RHBDD1: variants seen among roughly 807,000 people sequenced by gnomAD.
RHBDD1 encodes rhomboid-related protein 4.
RHBDD1 carries 38 observed loss-of-function variants against 36.3 expected under a neutral mutation model. The observed-to-expected ratio is 1.05, with a 90% CI of 0.81 to 1.37. The LOEUF is 1.37. RHBDD1 is among the 40% of genes most tolerant of loss of function. The pLI, the probability that RHBDD1 is intolerant of heterozygous loss-of-function variation, is 0.00. For missense variants in RHBDD1, 393 were observed against 377.6 expected (o/e 1.04, Z -0.34); for synonymous variants, 151 against 136.5 (o/e 1.11, Z -0.74).
At chr2:226,813,385 C>CA in the RHBDD1 span, among the ~76,000 whole-genome samples, 3 of 152,174 alleles carry the variant, frequency 2.0e-5, no homozygotes, top group African/African-American at 4.8e-5. Context: ...GTTGGGCTTT[C>CA]ATGTTAGATA....
At chr2:226,980,557 A>G (rs940685399) in intron 8 of RHBDD1, among the ~76,000 whole-genome samples, 2 of 152,200 alleles carry the variant, frequency 1.3e-5, no homozygotes, top group Non-Finnish European at 2.9e-5. Flanking sequence ...CTGGAAATGC[A>G]TGATATTTAT....
chr2:226,995,691 TCA>T lies in RHBDD1; in HGVS notation c.*172_*173del, dbSNP rs1959181823. On this transcript the variant is annotated 3_prime_UTR_variant, in exon 9 of 9. Transcript: ENST00000392062. Reference sequence around the variant, plus strand: ...AGTCCCATGGCCCCTATGAGTCAACTCACAGCTTGCGGGGAGTGGGCCTTCTC... The same window carrying T: ...AGTCCCATGGCCCCTATGAGTCAACTCAGCTTGCGGGGAGTGGGCCTTCTC... 1.6e-6 allele frequency: 1 copy of T among 611,226 alleles called. No individual in the cohort carries two copies. Among genetic ancestry groups the T allele is most frequent in the Non-Finnish European group, 2.9e-6 (1 of 340,316 alleles). The allele number at this position is 611,226 out of a possible 1,614,324, so 37.9% of individuals were successfully genotyped here. A position where few individuals can be genotyped will look rare whatever the true frequency, so the allele number is the denominator to read the frequency against.
At chr2:226,888,937 C>T (rs1946463719) in intron 5 of RHBDD1, among the ~76,000 whole-genome samples, 1 of 152,178 alleles carries the variant, frequency 6.6e-6, no homozygotes, top group African/African-American at 2.4e-5. Context: ...GGAATTGCCA[C>T]AGAGAGGGTT....
intron 8 of RHBDD1, among the ~76,000 whole-genome samples, chr2:226,963,546 C>T (rs1299330452): frequency 6.6e-6 from 1 of 152,150 alleles, no homozygotes; most frequent in African/African-American, 2.4e-5. Context: ...TGTTCTTTGT[C>T]TTCCTTTCCA....
At chr2:226,898,597 T>A (rs1199476146) in intron 5 of RHBDD1, among the ~76,000 whole-genome samples, 1 of 152,222 alleles carries the variant, frequency 6.6e-6, no homozygotes, top group Non-Finnish European at 1.5e-5. Context: ...TCAATCATGC[T>A]GGTATCATGG....
chr2:226,925,577 C>T (rs1161727626), intron 8 of RHBDD1, among the ~76,000 whole-genome samples: 1 of 152,022 alleles, frequency 6.6e-6, no homozygotes, highest in African/African-American at 2.4e-5. Context: ...CGGCCTTTGA[C>T]AAATGTCTTC....
At chr2:226,929,251 A>G (rs1949860113) in intron 8 of RHBDD1, among the ~76,000 whole-genome samples, 1 of 152,104 alleles carries the variant, frequency 6.6e-6, no homozygotes, top group Admixed American at 6.6e-5. Context: ...AAAACTCTCA[A>G]CAAAATGCTA....
intron 7 of RHBDD1, among the ~76,000 whole-genome samples, chr2:226,913,684 A>G (rs1348061832): frequency 1.3e-5 from 2 of 152,104 alleles, no homozygotes; most frequent in African/African-American, 4.8e-5. Context: ...GGGGGGAGCT[A>G]TAATCTCTGA....
At chr2:226,858,059 A>G (rs779188554) in intron 3 of RHBDD1, among the ~76,000 whole-genome samples, 31 of 152,178 alleles carry the variant, frequency 2.0e-4, no homozygotes, top group Non-Finnish European at 3.7e-4. Context: ...TTTTTCACAC[A>G]CAAAAAATTA....
Position 226,864,915 on chromosome 2 carries a change from C to G in RHBDD1, c.222C>G (p.His74Gln). Residue 74 changes from histidine (H) to glutamine (Q), a missense_variant, in exon 4 of 9, where the codon CAC becomes CAG. Transcript: ENST00000392062. Reference protein sequence around the residue: ...DWQRLLLSPLHHADDWHLYFN... With the variant: ...DWQRLLLSPLQHADDWHLYFN... ...AGCGTTTACTGCTCTCTCCCCTTCA[C>G]CATGCTGATGATTGGCATTTGTATT... The G allele has an allele frequency of 1.9e-6, 3 of 1,614,210 alleles. No individual in the cohort carries two copies. Among genetic ancestry groups the G allele is most frequent in the Non-Finnish European group, 2.5e-6 (3 of 1,180,028 alleles).
intron 5 of RHBDD1, among the ~76,000 whole-genome samples, chr2:226,904,179 T>C (rs945398269): frequency 3.9e-5 from 6 of 152,316 alleles, no homozygotes; most frequent in African/African-American, 1.4e-4. Context: ...CTGAGCTGTC[T>C]AACCCTTAAG....
At chr2:226,993,089 G>C (rs1056716553) in intron 8 of RHBDD1, among the ~76,000 whole-genome samples, 1 of 152,334 alleles carries the variant, frequency 6.6e-6, no homozygotes, top group Admixed American at 6.5e-5. Flanking sequence ...TGGGTCCAAG[G>C]CCGTGTGTGC....
intron 8 of RHBDD1, among the ~76,000 whole-genome samples, chr2:226,965,562 TA>T (rs1952559225): frequency 6.6e-6 from 1 of 152,098 alleles, no homozygotes; most frequent in African/African-American, 2.4e-5. Context: ...CATTTTGCAG[TA>T]AAATGAAAGG....
intron 5 of RHBDD1, among the ~76,000 whole-genome samples, chr2:226,876,730 G>A (rs979142685): frequency 2.0e-5 from 3 of 151,760 alleles, no homozygotes; most frequent in Admixed American, 2.0e-4. Flanking sequence ...GGTTTATGTG[G>A]GTTATAGCTA....
chr2:226,989,473 A>G (rs1957697500), intron 8 of RHBDD1, among the ~76,000 whole-genome samples: 1 of 152,194 alleles, frequency 6.6e-6, no homozygotes, highest in Admixed American at 6.5e-5. Flanking sequence ...CTTGATCTGG[A>G]TATTGGTCTC....
At position 226,874,855 on chromosome 2, in the gene RHBDD1, A is replaced by G. The variant is rs373339131; in HGVS notation, c.566+7537A>G. ...ATGGAAATTCAAACTCAGAATGCCA[A>G]TCCCATGTGTCTCAGCCTGTGCGTG... On this transcript the variant is annotated intron_variant, in intron 5 of 8. Coordinates refer to ENST00000392062, the MANE Select transcript of RHBDD1 (RefSeq NM_001167608.3). 7.9e-5 allele frequency among the ~76,000 whole-genome samples: 12 copies of G among 152,320 alleles called. No individual in the cohort carries two copies. In the East Asian group the frequency reaches 1.2e-3, roughly 15 times the overall value.
chr2:226,842,218 A>G (rs987686157), intron 3 of RHBDD1, among the ~76,000 whole-genome samples: 7 of 151,720 alleles, frequency 4.6e-5, no homozygotes, highest in African/African-American at 7.3e-5. Flanking sequence ...GACTGTAAAA[A>G]TTTTCTCCCA....
intron 8 of RHBDD1, among the ~76,000 whole-genome samples, chr2:226,941,125 GTTGTTTGT>G (rs749216413): frequency 3.3e-5 from 5 of 151,828 alleles, no homozygotes; most frequent in Non-Finnish European, 5.9e-5. Context: ...CTTTTTTGTT[GTTGTTTGT>G]TTGTTTGTTT....
intron 8 of RHBDD1, among the ~76,000 whole-genome samples, chr2:226,989,911 G>T (rs936653043): frequency 3.3e-5 from 5 of 152,168 alleles, no homozygotes; most frequent in Non-Finnish European, 7.3e-5. Context: ...CTTGTTTTGA[G>T]ATTCCAGATA....
Sources: gnomAD v4.1 joint callset for allele counts (sites outside exome capture counted in the v4.1 genomes callset) on GRCh38, gnomAD v4.1.1 for gene constraint, MANE v1.5 for transcripts, NCBI Gene and HGNC (gene_info 2026-07-23, HGNC 2026-07-21) for gene names.